GALNT17: variants seen among roughly 807,000 people sequenced by gnomAD.
GALNT17 encodes UDP-GalNAc:polypeptide N-acetylgalactosaminyltransferase-like 3.
In GALNT17, 29 loss-of-function variants were observed where a neutral mutation model predicts 63.7. The ratio of observed to expected loss-of-function variants is 0.46; its 90% CI spans 0.34 to 0.62. GALNT17 has a LOEUF of 0.62. Among genes scored for constraint, GALNT17 ranks in the 20% least tolerant of loss-of-function variants. The pLI is 0.01. For synonymous variants in GALNT17, 305 were observed against 318.3 expected, an observed-to-expected ratio of 0.96 and a Z score of 0.45; for missense variants, 603 against 799.6, an observed-to-expected ratio of 0.75 and a Z score of 2.97.
intron 1 of GALNT17, among the ~76,000 whole-genome samples, chr7:71,265,163 G>A (rs1203238491): frequency 1.7e-5 from 2 of 114,540 alleles, no homozygotes; most frequent in African/African-American, 6.8e-5. Context: ...GTCTCTCTCT[G>A]TCACTCAGTC....
chr7:71,707,886 A>G (rs1228152926), intron 9 of GALNT17, among the ~76,000 whole-genome samples: 1 of 152,200 alleles, frequency 6.6e-6, no homozygotes, highest in East Asian at 1.9e-4. Context: ...GGGCCAACCA[A>G]CATTCAAGGG....
At chr7:71,585,924 T>TG (rs1044178128) in intron 6 of GALNT17, among the ~76,000 whole-genome samples, 1 of 151,350 alleles carries the variant, frequency 6.6e-6, no homozygotes, top group Non-Finnish European at 1.5e-5. Context: ...CTTTTTTTTT[T>TG]TTTTGAGAAG....
chr7:71,346,816 A>G (rs1010506933), intron 2 of GALNT17, among the ~76,000 whole-genome samples: 5 of 152,042 alleles, frequency 3.3e-5, no homozygotes, highest in Admixed American at 1.3e-4. Flanking sequence ...GTACTTTTCA[A>G]TTCTTTCGAA....
intron 1 of GALNT17, among the ~76,000 whole-genome samples, chr7:71,158,911 T>C (rs539319793): frequency 5.9e-5 from 9 of 151,988 alleles, no homozygotes; most frequent in Non-Finnish European, 1.3e-4. Flanking sequence ...AAATGTTTCT[T>C]TGGTAAACTG....
chr7:71,336,108 G>T (rs1171282394), intron 2 of GALNT17, among the ~76,000 whole-genome samples: 1 of 137,472 alleles, frequency 7.3e-6, no homozygotes, highest in African/African-American at 2.7e-5. Flanking sequence ...GCAATGGTGC[G>T]ATCTCAGCTC....
At position 71,541,594 on chromosome 7, in the gene GALNT17, T is replaced by C. The variant is rs563096229; in HGVS notation, c.963-29691T>C. Among the ~76,000 whole-genome samples, 22 of 152,092 alleles carry C rather than the reference T, an allele frequency of 1.4e-4. No homozygotes were observed. In the South Asian group the frequency reaches 4.4e-3, roughly 30 times the overall value. Reference sequence around the variant, plus strand: ...AGAGAAAAAAAAGAAAAAGAAACAGTGATCACTGGTTTTCAGTGTGGAGAG... The same window carrying C: ...AGAGAAAAAAAAGAAAAAGAAACAGCGATCACTGGTTTTCAGTGTGGAGAG... On this transcript the variant is annotated intron_variant, in intron 5 of 10. Transcript: ENST00000333538.
chr7:71,265,933 T>G (rs1241505791), intron 1 of GALNT17, among the ~76,000 whole-genome samples: 1 of 152,180 alleles, frequency 6.6e-6, no homozygotes, highest in Admixed American at 6.5e-5. Context: ...GAAATGAGTT[T>G]TACAGGACTA....
chr7:71,682,242 T>C (rs1478187257), intron 9 of GALNT17, among the ~76,000 whole-genome samples: 1 of 152,142 alleles, frequency 6.6e-6, no homozygotes, highest in Non-Finnish European at 1.5e-5. Flanking sequence ...GGAAGGTTTT[T>C]AAAGCCACTC....
At chr7:71,156,482 T>C (rs78610256) in intron 1 of GALNT17, among the ~76,000 whole-genome samples, 5,782 of 151,846 alleles carry the variant, frequency 0.038, 466 homozygotes, top group African/African-American at 0.13. Context: ...TGCCCTGCCC[T>C]GCCTTTCCTT....
At chr7:71,429,377 A>AT (rs1309117020) in intron 5 of GALNT17, among the ~76,000 whole-genome samples, 1 of 152,200 alleles carries the variant, frequency 6.6e-6, no homozygotes, top group Non-Finnish European at 1.5e-5. Flanking sequence ...GAGGAGAGAA[A>AT]ATCATTTGTT....
chr7:71,216,536 A>G (rs1789481318), intron 1 of GALNT17, among the ~76,000 whole-genome samples: 1 of 152,074 alleles, frequency 6.6e-6, no homozygotes, highest in South Asian at 2.1e-4. Flanking sequence ...ACACACACAT[A>G]TACGTATATT....
intron 2 of GALNT17, among the ~76,000 whole-genome samples, chr7:71,351,512 A>G (rs995754769): frequency 3.3e-5 from 5 of 151,988 alleles, no homozygotes; most frequent in Admixed American, 6.6e-5. Flanking sequence ...AATCCCCAAG[A>G]TGGTTGGTAT....
chr7:71,217,752 T>C (rs1160355035), intron 1 of GALNT17, among the ~76,000 whole-genome samples: 4 of 151,726 alleles, frequency 2.6e-5, no homozygotes, highest in Admixed American at 1.3e-4. Context: ...GGTGAAACCC[T>C]GTCTCCACTA....
At chr7:71,286,814 G>T (rs544179140) in intron 1 of GALNT17, among the ~76,000 whole-genome samples, 141 of 151,604 alleles carry the variant, frequency 9.3e-4, no homozygotes, top group African/African-American at 3.3e-3. Context: ...TTGAGACAGG[G>T]TCTCACTCTT....
chr7:71,662,358 C>G (rs1000925420), intron 6 of GALNT17, among the ~76,000 whole-genome samples: 1 of 152,100 alleles, frequency 6.6e-6, no homozygotes, highest in East Asian at 1.9e-4. Flanking sequence ...GTCTGTCTAT[C>G]TATCATCTAT....
At chr7:71,711,309 C>T (rs946423326) in intron 10 of GALNT17, among the ~76,000 whole-genome samples, 1 of 151,388 alleles carries the variant, frequency 6.6e-6, no homozygotes, top group Non-Finnish European at 1.5e-5. Flanking sequence ...CCCACCAACG[C>T]TCCTCACCTG....
chr7:71,133,746 G>C (rs1185123005), intron 1 of GALNT17, among the ~76,000 whole-genome samples: 1 of 152,186 alleles, frequency 6.6e-6, no homozygotes, highest in Non-Finnish European at 1.5e-5. Flanking sequence ...GTTGTGCTCA[G>C]TACTTCAGGA....
intron 1 of GALNT17, among the ~76,000 whole-genome samples, chr7:71,206,657 C>T (rs758886842): frequency 7.2e-5 from 11 of 151,968 alleles, no homozygotes; most frequent in South Asian, 2.1e-4. Flanking sequence ...ATTGTCAGGG[C>T]GACCAAGACG....
rs1285778666 is a variant in GALNT17 at position 71,565,517 on chromosome 7, A to G, written c.963-5768A>G. Among the ~76,000 whole-genome samples, 3 of 102,132 alleles carry G rather than the reference A, an allele frequency of 2.9e-5. No individual in the cohort carries two copies. In the South Asian group the frequency reaches 1.1e-3, roughly 36 times the overall value. The allele number at this position is 102,132 out of a possible 152,430, so 67.0% of individuals were successfully genotyped here. ...TCTTTCATCCCTCCCTCCCACCCCT[A>G]GTTAGAGCACACTCCCCTGATACCC... On this transcript the variant is annotated intron_variant, in intron 5 of 10. Transcript: ENST00000333538.
Sources: gnomAD v4.1 joint callset for allele counts (sites outside exome capture counted in the v4.1 genomes callset) on GRCh38, gnomAD v4.1.1 for gene constraint, MANE v1.5 for transcripts, NCBI Gene and HGNC (gene_info 2026-07-23, HGNC 2026-07-21) for gene names.